Variants in GRM7 observed in about 807,000 individuals in gnomAD.
GRM7 encodes the protein glutamate metabotropic receptor 7.
Under a neutral mutation model 84.5 loss-of-function variants are expected in GRM7, and 35 were observed. That is an observed-to-expected ratio of 0.41 (90% CI 0.32 to 0.55). The LOEUF (loss-of-function observed/expected upper bound fraction) is 0.55, where lower values mean the gene tolerates loss of function less well. Ranked by LOEUF, GRM7 falls within the 20% of genes least tolerant of loss-of-function variation. The pLI, the probability that GRM7 is intolerant of heterozygous loss-of-function variation, is 0.19. For synonymous variants in GRM7, 487 were observed against 455.1 expected (o/e 1.07, Z -0.89); for missense variants, 1,003 against 1,194.6 (o/e 0.84, Z 2.36).
In GRM7 at chr3:6,959,411, T is replaced by TATAAAA. The variant is rs539719417; in HGVS notation, c.519+97506_519+97507insAAAAAT. On this transcript the variant is annotated intron_variant, in intron 1 of 9. Transcript: ENST00000357716. ...GAATTCTTCAGGAAGATGGTTAAGG[T>TATAAAA]ATGTAAAATAGCAGTTAAAGTAGAA... 5.9e-5 allele frequency among the ~76,000 whole-genome samples: 9 copies of TATAAAA among 152,304 alleles called. No individual in the cohort carries two copies. In the South Asian group the frequency reaches 1.9e-3, roughly 32 times the overall value.
chr3:7,682,656 GT>G (rs1372292107), intron 9 of GRM7, among the ~76,000 whole-genome samples: 1 of 151,978 alleles, frequency 6.6e-6, no homozygotes, highest in East Asian at 1.9e-4. Flanking sequence ...GAAATTAGAA[GT>G]TTTGAGTTTA....
At chr3:7,124,020 G>C (rs1693313593) in intron 1 of GRM7, among the ~76,000 whole-genome samples, 1 of 151,986 alleles carries the variant, frequency 6.6e-6, no homozygotes, top group African/African-American at 2.4e-5. Context: ...CCTTTTTCTA[G>C]TCTAGAAATT....
At chr3:7,205,702 G>A (rs1696213607) in intron 2 of GRM7, among the ~76,000 whole-genome samples, 1 of 152,146 alleles carries the variant, frequency 6.6e-6, no homozygotes, top group Non-Finnish European at 1.5e-5. Context: ...ATTCACCACG[G>A]GGAAGCAGGG....
intron 2 of GRM7, among the ~76,000 whole-genome samples, chr3:7,201,273 T>C (rs1204368300): frequency 2.6e-5 from 4 of 152,148 alleles, no homozygotes; most frequent in Non-Finnish European, 5.9e-5. Context: ...CTGTGTCGTT[T>C]AGAAAAAACA....
chr3:7,509,806 G>T (rs1700144187), intron 7 of GRM7, among the ~76,000 whole-genome samples: 1 of 147,974 alleles, frequency 6.8e-6, no homozygotes, highest in Non-Finnish European at 1.5e-5. Flanking sequence ...TTAATATTAG[G>T]ACAGACCTCC....
At chr3:6,948,702 A>C (rs1698188745) in intron 1 of GRM7, among the ~76,000 whole-genome samples, 1 of 152,182 alleles carries the variant, frequency 6.6e-6, no homozygotes, top group Admixed American at 6.5e-5. Flanking sequence ...GTCTCTTTGT[A>C]GGTCACTAAG....
At chr3:7,097,628 G>A (rs1168497270) in intron 1 of GRM7, among the ~76,000 whole-genome samples, 8 of 152,006 alleles carry the variant, frequency 5.3e-5, no homozygotes. Context: ...TTGACTAAAT[G>A]TGACTAATAA....
chr3:7,721,178 A>G (rs1701934087), intron 9 of GRM7, among the ~76,000 whole-genome samples: 1 of 152,190 alleles, frequency 6.6e-6, no homozygotes, highest in African/African-American at 2.4e-5. Flanking sequence ...CTAGGAACAA[A>G]AACTATCAAG....
At chr3:7,218,003 TGG>T (rs1307453564) in intron 2 of GRM7, among the ~76,000 whole-genome samples, 1 of 152,092 alleles carries the variant, frequency 6.6e-6, no homozygotes, top group Non-Finnish European at 1.5e-5. Context: ...ATATGTTGTA[TGG>T]CTCTATCAAA....
chr3:7,644,128 G>GTGTGTT (rs1698496796), intron 8 of GRM7, among the ~76,000 whole-genome samples: 1 of 145,056 alleles, frequency 6.9e-6, no homozygotes, highest in East Asian at 2.0e-4. Context: ...TGTTGTGTGT[G>GTGTGTT]TGTGTGTGTA....
chr3:7,013,903 C>A (rs755952783), intron 1 of GRM7, among the ~76,000 whole-genome samples: 4 of 152,172 alleles, frequency 2.6e-5, no homozygotes, highest in African/African-American at 4.8e-5. Context: ...GTTAAAGAAT[C>A]TGCATCATTT....
chr3:7,291,252 GC>G (rs1699609886), intron 2 of GRM7, among the ~76,000 whole-genome samples: 1 of 152,020 alleles, frequency 6.6e-6, no homozygotes, highest in Non-Finnish European at 1.5e-5. Context: ...AAAACTGACT[GC>G]CGCGAGCTGA....
At chr3:7,600,277 G>A (rs1458904701) in intron 8 of GRM7, among the ~76,000 whole-genome samples, 4 of 151,724 alleles carry the variant, frequency 2.6e-5, no homozygotes, top group Non-Finnish European at 5.9e-5. Flanking sequence ...TAATTTAGAG[G>A]GAAACAGATT....
At chr3:7,064,463 C>CATATATATATATATATATATATATAT (rs745409093) in intron 1 of GRM7, among the ~76,000 whole-genome samples, 3 of 87,384 alleles carry the variant, frequency 3.4e-5, no homozygotes, top group African/African-American at 1.5e-4. Context: ...GATATATATA[C>CATATATATATATATATATATATATAT]ATATATATAT....
At chr3:7,291,138 CTT>C (rs779474254) in intron 2 of GRM7, among the ~76,000 whole-genome samples, 1 of 145,798 alleles carries the variant, frequency 6.9e-6, no homozygotes, top group Non-Finnish European at 1.5e-5. Context: ...ATTTTCTTGA[CTT>C]TTTTTTTTTT....
intron 9 of GRM7, among the ~76,000 whole-genome samples, chr3:7,722,792 G>T (rs2106520685): frequency 6.6e-6 from 1 of 152,022 alleles, no homozygotes; most frequent in East Asian, 1.9e-4. Flanking sequence ...CTATTTTGAT[G>T]ATCACTCCTG....
At chr3:6,898,620 G>A (rs1696274876) in intron 1 of GRM7, among the ~76,000 whole-genome samples, 1 of 152,032 alleles carries the variant, frequency 6.6e-6, no homozygotes, top group Non-Finnish European at 1.5e-5. Context: ...GGCCAAGGAT[G>A]ACAGTGTCAA....
At chr3:7,110,112 G>A (rs1037702156) in intron 1 of GRM7, among the ~76,000 whole-genome samples, 1 of 151,986 alleles carries the variant, frequency 6.6e-6, no homozygotes, top group African/African-American at 2.4e-5. Context: ...AAAAACTGAA[G>A]ATGTAAAACT....
intron 1 of GRM7, among the ~76,000 whole-genome samples, chr3:6,901,434 C>G (rs1696377081): frequency 6.6e-6 from 1 of 151,690 alleles, no homozygotes; most frequent in African/African-American, 2.4e-5. Context: ...CCCATCTCTA[C>G]TAAAAGTACA....
Sources: gnomAD v4.1 joint callset for allele counts (sites outside exome capture counted in the v4.1 genomes callset) on GRCh38, gnomAD v4.1.1 for gene constraint, MANE v1.5 for transcripts, NCBI Gene and HGNC (gene_info 2026-07-23, HGNC 2026-07-21) for gene names.